The following B3GALT1 variants were observed in gnomAD, a reference collection of about 807,000 sequenced individuals.
B3GALT1 encodes the protein UDP-Gal:betaGlcNAc beta 1,3-galactosyltransferase, polypeptide 1.
In B3GALT1, 10 loss-of-function variants were observed where a neutral mutation model predicts 23.2. The ratio of observed to expected loss-of-function variants is 0.43; its 90% CI spans 0.27 to 0.73. B3GALT1 has a LOEUF of 0.73. B3GALT1 is among the 30% of genes least tolerant of loss of function. The pLI is 0.21. For synonymous variants in B3GALT1, 156 were observed against 141.5 expected (o/e 1.10, Z -0.73); for missense variants, 299 against 405.4 (o/e 0.74, Z 2.25).
At position 167,671,249 on chromosome 2, in the gene B3GALT1, G is replaced by C. The variant is rs80258127; in HGVS notation, c.-352+24283G>C. Among the ~76,000 whole-genome samples the C allele has an allele frequency of 2.7e-3, 417 of 152,142 alleles. 3 individuals are homozygous for C. Among genetic ancestry groups the C allele is most frequent in the African/African-American group, 9.3e-3 (387 of 41,548 alleles). ...AATAACCCCCATGGAAAAATGTATA[G>C]ATCATCCAGAAAAAAAATCAATAAG... On this transcript the variant is annotated intron_variant, in intron 3 of 4. Coordinates refer to ENST00000392690, the MANE Select transcript of B3GALT1 (RefSeq NM_020981.4).
At chr2:167,488,471 A>G (rs1699657145) in intron 1 of B3GALT1, among the ~76,000 whole-genome samples, 1 of 152,216 alleles carries the variant, frequency 6.6e-6, no homozygotes, top group Admixed American at 6.5e-5. Flanking sequence ...ATCTTTCTCA[A>G]GTGGATAAAT....
rs143658547 is a variant in B3GALT1 at position 167,517,940 on chromosome 2, A to G, written c.-410+27663A>G. The stretch of plus-strand genomic sequence containing the variant: ...TGTGCCACTCAAGTCTATAAAAAAC[A>G]TTTTATAGTATCAGTGTAATCTCAT... On this transcript the variant is annotated intron_variant, in intron 2 of 4. Coordinates refer to ENST00000392690, the MANE Select transcript of B3GALT1 (RefSeq NM_020981.4). Among the ~76,000 whole-genome samples, 184 of 152,242 alleles carry G rather than the reference A, an allele frequency of 1.2e-3. 3 individuals are homozygous for G. Among genetic ancestry groups the G allele is most frequent in the African/African-American group, 4.2e-3 (176 of 41,556 alleles).
intron 1 of B3GALT1, among the ~76,000 whole-genome samples, chr2:167,300,319 T>G (rs1014702815): frequency 1.3e-5 from 2 of 152,224 alleles, no homozygotes; most frequent in Admixed American, 6.5e-5. Context: ...AAAAGCTTCC[T>G]AAGGGACATT....
At chr2:167,735,241 A>G (rs1687473840) in intron 3 of B3GALT1, among the ~76,000 whole-genome samples, 1 of 152,246 alleles carries the variant, frequency 6.6e-6, no homozygotes, top group African/African-American at 2.4e-5. Flanking sequence ...GATAGTGCAA[A>G]GAGCCCCTGG....
At chr2:167,557,885 A>T (rs1433075752) in intron 2 of B3GALT1, among the ~76,000 whole-genome samples, 1 of 152,228 alleles carries the variant, frequency 6.6e-6, no homozygotes, top group Non-Finnish European at 1.5e-5. Flanking sequence ...GTAGTTTTAT[A>T]TTCAGTCTAA....
At chr2:167,451,715 G>A (rs1209521693) in intron 1 of B3GALT1, among the ~76,000 whole-genome samples, 1 of 152,204 alleles carries the variant, frequency 6.6e-6, no homozygotes, top group Non-Finnish European at 1.5e-5. Flanking sequence ...AGCTGAGGTA[G>A]TTTAGGGAGG....
chr2:167,677,104 T>C (rs1027457968), intron 3 of B3GALT1, among the ~76,000 whole-genome samples: 9 of 151,986 alleles, frequency 5.9e-5, no homozygotes, highest in Non-Finnish European at 1.3e-4. Context: ...GTAGGTCAAT[T>C]AATATGAAGT....
intron 2 of B3GALT1, among the ~76,000 whole-genome samples, chr2:167,510,615 G>C (rs914527460): frequency 6.6e-6 from 1 of 152,044 alleles, no homozygotes; most frequent in East Asian, 1.9e-4. Flanking sequence ...TTGCAAGCCT[G>C]CTGCTAACCT....
At chr2:167,672,330 C>T (rs1158241198) in intron 3 of B3GALT1, among the ~76,000 whole-genome samples, 1 of 152,062 alleles carries the variant, frequency 6.6e-6, no homozygotes, top group Non-Finnish European at 1.5e-5. Flanking sequence ...TTACTAAAAA[C>T]ATTTCATGTA....
intron 2 of B3GALT1, among the ~76,000 whole-genome samples, chr2:167,528,344 T>C (rs1467817957): frequency 6.6e-6 from 1 of 152,210 alleles, no homozygotes; most frequent in Admixed American, 6.5e-5. Flanking sequence ...CCTCTGAATA[T>C]CTGGGTTTTA....
chr2:167,607,064 A>C (rs954692332), intron 2 of B3GALT1, among the ~76,000 whole-genome samples: 1 of 152,200 alleles, frequency 6.6e-6, no homozygotes, highest in African/African-American at 2.4e-5. Context: ...ATGATTGAGA[A>C]CATGAAACCC....
intron 1 of B3GALT1, among the ~76,000 whole-genome samples, chr2:167,381,050 T>G (rs1206578384): frequency 2.6e-5 from 4 of 152,100 alleles, no homozygotes; most frequent in Non-Finnish European, 5.9e-5. Context: ...CAAAACAAAA[T>G]AACACTTCTG....
Position 167,842,381 on chromosome 2 carries a change from TATGTCATTATTTCATCA to T in B3GALT1, c.-230+23589_-230+23605del, listed in dbSNP as rs1432070789. On this transcript the variant is annotated intron_variant, in intron 4 of 4. Transcript: ENST00000392690. ...CATCTTCACATTTCATACTTACTTC[TATGTCATTATTTCATCA>T]GTTTCTGTAGAATGTATACTGAAAT... Among the ~76,000 whole-genome samples the T allele has an allele frequency of 3.3e-5, 5 of 152,228 alleles. No homozygotes were observed. The South Asian group carries it at 1.0e-3, about 32-fold the overall frequency.
intron 1 of B3GALT1, among the ~76,000 whole-genome samples, chr2:167,321,443 T>G (rs1696808466): frequency 6.6e-6 from 1 of 152,022 alleles, no homozygotes; most frequent in Non-Finnish European, 1.5e-5. Flanking sequence ...ACCACCTACT[T>G]AAACAGCTTT....
At chr2:167,745,577 A>T (rs4667971) in intron 3 of B3GALT1, among the ~76,000 whole-genome samples, 11,657 of 152,096 alleles carry the variant, frequency 0.077, 962 homozygotes, top group East Asian at 0.19. Flanking sequence ...TATGTTTAAA[A>T]CTATTTTTTT....
chr2:167,675,420 A>C (rs1448835), intron 3 of B3GALT1, among the ~76,000 whole-genome samples: 147,381 of 152,290 alleles, frequency 0.97, 71,393 homozygotes, highest in Middle Eastern at 1. Flanking sequence ...AAATAGAGTG[A>C]CCTACATGCA....
chr2:167,495,430 T>C (rs1366015889), intron 2 of B3GALT1, among the ~76,000 whole-genome samples: 4 of 150,068 alleles, frequency 2.7e-5, no homozygotes, highest in East Asian at 3.9e-4. Context: ...GCCTCCTAGG[T>C]TCAAGTGATT....
chr2:167,526,211 G>A (rs1485264980), intron 2 of B3GALT1, among the ~76,000 whole-genome samples: 1 of 151,514 alleles, frequency 6.6e-6, no homozygotes, highest in African/African-American at 2.4e-5. Context: ...ACACATATAT[G>A]TATAAAATTA....
chr2:167,346,430 TA>T (rs1697222185), intron 1 of B3GALT1, among the ~76,000 whole-genome samples: 1 of 152,172 alleles, frequency 6.6e-6, no homozygotes, highest in Non-Finnish European at 1.5e-5. Flanking sequence ...CTCCCAGCCT[TA>T]AGTATCACCT....
Sources: allele counts gnomAD v4.1 joint callset (sites outside exome capture counted in the v4.1 genomes callset), GRCh38; gene constraint gnomAD v4.1.1; transcripts MANE v1.5; gene names NCBI Gene and HGNC (gene_info 2026-07-23, HGNC 2026-07-21).